The following ZBTB40 variants were observed in gnomAD, a reference collection of about 807,000 sequenced individuals.
ZBTB40 encodes zinc finger and BTB domain containing 40.
In ZBTB40, 60 loss-of-function variants were observed where a neutral mutation model predicts 117.5. The ratio of observed to expected loss-of-function variants is 0.51; its 90% CI spans 0.41 to 0.63. The LOEUF (loss-of-function observed/expected upper bound fraction) is 0.63. Among genes scored for constraint, ZBTB40 ranks in the 30% least tolerant of loss-of-function variants. ZBTB40 has a pLI of 0.00. For synonymous variants in ZBTB40, 525 were observed against 577.1 expected (o/e 0.91, Z 1.29); for missense variants, 1,287 against 1,498.5 (o/e 0.86, Z 2.33).
Position 22,524,120 on chromosome 1 carries a change from C to T in ZBTB40, c.3299-98C>T, listed in dbSNP as rs868239602. Reference sequence around the variant, plus strand: ...GGATCCGCCTCCAAGCCTCGATCCTCATTGCTCTTTCCTCTCATGTCTTCC... The same window carrying T: ...GGATCCGCCTCCAAGCCTCGATCCTTATTGCTCTTTCCTCTCATGTCTTCC... On this transcript the variant is annotated intron_variant, in intron 16 of 17. Transcript: ENST00000375647. The T allele has an allele frequency of 1.7e-5, 20 of 1,187,750 alleles. No individual in the cohort carries two copies. The Middle Eastern group carries it at 5.7e-4, about 34-fold the overall frequency. 73.6% of individuals were successfully genotyped at this position (1,187,750 alleles called of 1,614,324 possible).
chr1:22,511,545 T>C, intron 10 of ZBTB40, 131 bp from the exon 11 acceptor site: 1 of 1,241,434 alleles, frequency 8.1e-7, no homozygotes, highest in African/African-American at 1.5e-5. Flanking sequence ...AGGAGGACAA[T>C]GATATTACTT....
At chr1:22,445,279 A>T (rs868471259) in intron 1 of ZBTB40, among the ~76,000 whole-genome samples, 2 of 151,964 alleles carry the variant, frequency 1.3e-5, no homozygotes, top group Non-Finnish European at 2.9e-5. Flanking sequence ...CCCAACTCTA[A>T]CCCCTTCTGG....
At chr1:22,453,434 AT>A (rs1640930777) in intron 1 of ZBTB40, among the ~76,000 whole-genome samples, 1 of 152,228 alleles carries the variant, frequency 6.6e-6, no homozygotes, top group South Asian at 2.1e-4. Context: ...CAAGACAAAT[AT>A]GATTTCTGCC....
intron 3 of ZBTB40, among the ~76,000 whole-genome samples, chr1:22,494,214 G>A (rs1421929993): frequency 2.0e-5 from 3 of 152,104 alleles, no homozygotes; most frequent in Admixed American, 1.3e-4. Context: ...ACTCTGACAC[G>A]AGATGGTTTG....
intron 13 of ZBTB40, 106 bp downstream of exon 13, chr1:22,517,570 T>C: frequency 1.5e-6 from 2 of 1,367,186 alleles, no homozygotes. Context: ...CTCCATTCAG[T>C]GCATTCCCCT....
chr1:22,460,245 G>A (rs1337646660), intron 1 of ZBTB40, among the ~76,000 whole-genome samples: 2 of 152,132 alleles, frequency 1.3e-5, no homozygotes, highest in East Asian at 3.9e-4. Context: ...AAGAGTGAGA[G>A]CCCGTTAGAC....
rs966699374 is a variant in ZBTB40 at position 22,526,913 on chromosome 1, C to T, written c.*517C>T. On this transcript the variant is annotated 3_prime_UTR_variant, in exon 18 of 18. Coordinates refer to ENST00000375647, the MANE Select transcript of ZBTB40 (RefSeq NM_014870.4). ...GCCCCTTCCTGAGGCACACTTGGCC[C>T]CTTCCTCGGTCCTATCATCCTACCC... 3 of 236,468 alleles carry T rather than the reference C, an allele frequency of 1.3e-5. No homozygotes were observed. The highest frequency in any genetic ancestry group is 2.5e-5 in the Non-Finnish European group (3 of 118,424). The allele number at this position is 236,468 out of a possible 1,614,324, so 14.6% of individuals were successfully genotyped here.
intron 17 of ZBTB40, among the ~76,000 whole-genome samples, chr1:22,525,705 T>A (rs1199063796): frequency 1.3e-5 from 2 of 152,256 alleles, no homozygotes; most frequent in Non-Finnish European, 2.9e-5. Flanking sequence ...TCATCCAGTC[T>A]TCCTCCTAAG....
intron 1 of ZBTB40, among the ~76,000 whole-genome samples, chr1:22,467,758 A>C (rs1488676340): frequency 2.0e-5 from 3 of 147,172 alleles, no homozygotes; most frequent in Non-Finnish European, 4.5e-5. Flanking sequence ...TACAGACATG[A>C]GCCACTGTGT....
At chr1:22,518,045 T>C (rs1639422572) in intron 13 of ZBTB40, among the ~76,000 whole-genome samples, 1 of 152,260 alleles carries the variant, frequency 6.6e-6, no homozygotes, top group South Asian at 2.1e-4. Flanking sequence ...CACACACACA[T>C]ATATATACAC....
In ZBTB40 at chr1:22,508,571, T is replaced by C. The variant is rs1481859098; in HGVS notation, c.1539T>C (p.Gly513=). ...TGAAACGTGACTCTGGTTCAGGTGG[T>C]TTCAATTCTCTGATATCAGCAGTTC... The part of the protein sequence containing the change: ...KLVKRDSGSG[G]FNSLISAVLE... Residue 513 remains glycine, a synonymous_variant, in exon 8 of 18, where the codon GGT becomes GGC. Transcript: ENST00000375647. 3.7e-6 allele frequency: 6 copies of C among 1,614,154 alleles called. No homozygotes were observed. Among genetic ancestry groups the C allele is most frequent in the Non-Finnish European group, 5.1e-6 (6 of 1,180,032 alleles).
intron 1 of ZBTB40, among the ~76,000 whole-genome samples, chr1:22,453,176 G>T (rs1254119544): frequency 6.6e-6 from 1 of 152,172 alleles, no homozygotes; most frequent in Non-Finnish European, 1.5e-5. Context: ...GGTTAATGGA[G>T]ATTTAATTAC....
chr1:22,524,154 T>C (rs1024244633), intron 16 of ZBTB40, 64 bp from the exon 17 acceptor site: 15 of 1,492,540 alleles, frequency 1.0e-5, no homozygotes, highest in African/African-American at 9.7e-5. Flanking sequence ...CCTGCCCTCA[T>C]TTCTCTCATT....
At chr1:22,432,058 C>T (rs1464855091) in intron 1 of ZBTB40, among the ~76,000 whole-genome samples, 2 of 152,018 alleles carry the variant, frequency 1.3e-5, no homozygotes, top group Admixed American at 1.3e-4. Context: ...CTTTATGCTG[C>T]TTTGTGACTC....
At chr1:22,515,048 A>T (rs942846760) in intron 12 of ZBTB40, among the ~76,000 whole-genome samples, 3 of 152,224 alleles carry the variant, frequency 2.0e-5, no homozygotes, top group Non-Finnish European at 2.9e-5. Context: ...ACACAGTGAG[A>T]GGACAGGGCT....
At chr1:22,493,111 A>T (rs1444028527) in intron 3 of ZBTB40, among the ~76,000 whole-genome samples, 2 of 152,216 alleles carry the variant, frequency 1.3e-5, no homozygotes, top group East Asian at 3.8e-4. Context: ...CAGGTGATGA[A>T]GAAATGTCTG....
rs763488190 is a variant in ZBTB40 at position 22,501,568 on chromosome 1, G to A, written c.908G>A (p.Ser303Asn). ...ATCCTGGGTAAAGTAAGAGAGGAAA[G>A]CCTGGATGTTCAAACTGTTGTGTCC... ...QRILGKVREE[S>N]LDVQTVVSLL... The change falls in exon 4 of 18, where the codon AGC becomes AAC. Residue 303 changes from serine (S) to asparagine (N), a missense_variant. Physicochemically the swap from Ser to Asn is conservative, Grantham distance 46 (BLOSUM62 1). Transcript: ENST00000375647. The A allele has an allele frequency of 6.2e-7, 1 of 1,614,156 alleles. No individual in the cohort carries two copies. Among genetic ancestry groups the A allele is most frequent in the Non-Finnish European group, 8.5e-7 (1 of 1,180,012 alleles).
intron 1 of ZBTB40, among the ~76,000 whole-genome samples, chr1:22,445,872 A>G (rs1410299186): frequency 7.0e-6 from 1 of 142,562 alleles, no homozygotes; most frequent in Non-Finnish European, 1.5e-5. Flanking sequence ...AAAAAAAAAC[A>G]AAAAACTGAA....
chr1:22,472,794 G>A (rs778593919), intron 1 of ZBTB40, among the ~76,000 whole-genome samples: 1 of 152,214 alleles, frequency 6.6e-6, no homozygotes, highest in Non-Finnish European at 1.5e-5. Flanking sequence ...ATCAAGAGCA[G>A]TGTGTCCTGG....
Sources: allele counts gnomAD v4.1 joint callset (sites outside exome capture counted in the v4.1 genomes callset), GRCh38; gene constraint gnomAD v4.1.1; transcripts MANE v1.5; gene names NCBI Gene and HGNC (gene_info 2026-07-23, HGNC 2026-07-21).